The following KIF21A variants were observed in gnomAD, a reference collection of about 807,000 sequenced individuals.
The protein encoded by KIF21A is kinesin family member 21A, also known as kinesin-like protein KIF21A.
KIF21A carries 114 observed loss-of-function variants against 202.9 expected under a neutral mutation model. The ratio of observed to expected loss-of-function variants is 0.56; its 90% CI spans 0.48 to 0.66. The LOEUF (loss-of-function observed/expected upper bound fraction) is 0.66, where lower values mean the gene tolerates loss of function less well. Among genes scored for constraint, KIF21A ranks in the 30% least tolerant of loss-of-function variants. KIF21A has a pLI of 0.00. For missense variants in KIF21A, 1,677 were observed against 1,994.9 expected, an observed-to-expected ratio of 0.84 and a Z score of 3.04; for synonymous variants, 667 against 670.8, an observed-to-expected ratio of 0.99 and a Z score of 0.09.
chr12:39,378,887 ATATTTGACC>A (rs1425988094), intron 1 of KIF21A, among the ~76,000 whole-genome samples: 1 of 152,176 alleles, frequency 6.6e-6, no homozygotes, highest in Non-Finnish European at 1.5e-5. Flanking sequence ...ACAGGAAACT[ATATTTGACC>A]TGGGTTTTGG....
At chr12:39,335,630 A>C (rs1946899852) in intron 17 of KIF21A, among the ~76,000 whole-genome samples, 1 of 152,166 alleles carries the variant, frequency 6.6e-6, no homozygotes, top group Admixed American at 6.5e-5. Flanking sequence ...GAATATACTA[A>C]AAACATGAAT....
intron 1 of KIF21A, among the ~76,000 whole-genome samples, chr12:39,421,569 T>G (rs1369819925): frequency 6.6e-6 from 1 of 151,784 alleles, no homozygotes; most frequent in East Asian, 1.9e-4. Flanking sequence ...AGTGCATGCC[T>G]GTAGTCCCAG....
At chr12:39,366,563 T>G (rs2139099034) in intron 5 of KIF21A, 46 bp from the exon 6 acceptor site, 2 of 1,377,798 alleles carry the variant, frequency 1.5e-6, no homozygotes, top group East Asian at 5.0e-5. Flanking sequence ...AATGTAACAT[T>G]AAATATCCTC....
rs1239185343 is a variant in KIF21A, at chr12:39,322,993, T to C, written c.3457-111A>G. On this transcript the variant is annotated intron_variant, in intron 26 of 37. Transcript: ENST00000361418. ...AATAGGTAAAACATTTAGCGTGTCT[T>C]TTCCTAGGTGTGCCAAACATAGCAT... The C allele has an allele frequency of 1.3e-5, 11 of 814,862 alleles. No individual in the cohort carries two copies. The East Asian group carries it at 2.9e-4, about 21-fold the overall frequency. The allele number at this position is 814,862 out of a possible 1,614,324, so 50.5% of individuals were successfully genotyped here. A position where few individuals can be genotyped will look rare whatever the true frequency, so the allele number is the denominator to read the frequency against.
intron 10 of KIF21A, among the ~76,000 whole-genome samples, chr12:39,355,217 C>G (rs921104182): frequency 1.3e-5 from 2 of 152,118 alleles, no homozygotes; most frequent in African/African-American, 4.8e-5. Flanking sequence ...AAGGAATAGT[C>G]TTAACTCAAG....
Position 39,304,802 on chromosome 12 carries a change from G to A in KIF21A, c.4560+19C>T. On this transcript the variant is annotated intron_variant, in intron 35 of 37. Transcript: ENST00000361418. Reference sequence around the variant, plus strand: ...TCATTTAATAGACAAATATAATTCAGAAAGTCTCTTATACATACTTTGATG... The same window carrying A: ...TCATTTAATAGACAAATATAATTCAAAAAGTCTCTTATACATACTTTGATG... The A allele has an allele frequency of 8.4e-7, 1 of 1,183,960 alleles. No homozygotes were observed. The highest frequency in any genetic ancestry group is 1.2e-5 in the South Asian group (1 of 82,132). 73.3% of individuals were successfully genotyped at this position (1,183,960 alleles called of 1,614,324 possible).
rs1015234068 is a variant in KIF21A, at chr12:39,293,249, A to G, written c.*1175T>C. The G allele has an allele frequency of 6.6e-6, 1 of 152,250 alleles. No individual in the cohort carries two copies. The highest frequency in any genetic ancestry group is 1.5e-5 in the Non-Finnish European group (1 of 68,030). The allele number at this position is 152,250 out of a possible 1,614,324, so 9.4% of individuals were successfully genotyped here. A position where few individuals can be genotyped will look rare whatever the true frequency, so the allele number is the denominator to read the frequency against. ...AAAATAATTTCATAGCAACATGTTT[A>G]TTTAAGCCCTAGCTAAGTTTTCATT... On this transcript the variant is annotated 3_prime_UTR_variant, in exon 38 of 38. Coordinates refer to ENST00000361418, the MANE Select transcript of KIF21A (RefSeq NM_001173464.2).
At chr12:39,381,931 T>C (rs913198399) in intron 1 of KIF21A, among the ~76,000 whole-genome samples, 1 of 152,176 alleles carries the variant, frequency 6.6e-6, no homozygotes, top group Admixed American at 6.5e-5. Context: ...AACAGTTATG[T>C]TGTGAACTAC....
chr12:39,416,889 A>G (rs550192355), intron 1 of KIF21A, among the ~76,000 whole-genome samples: 262 of 147,570 alleles, frequency 1.8e-3, no homozygotes, highest in African/African-American at 5.7e-3. Context: ...ACATATATAT[A>G]TGTGTATATA....
intron 30 of KIF21A, among the ~76,000 whole-genome samples, 181 bp from the exon 31 acceptor site, chr12:39,315,421 TTAAGAA>T (rs1944425520): frequency 6.6e-6 from 1 of 152,050 alleles, no homozygotes; most frequent in Admixed American, 6.6e-5. Context: ...GCACCTATTC[TTAAGAA>T]TATTTATTTT....
intron 1 of KIF21A, among the ~76,000 whole-genome samples, chr12:39,403,722 T>C: frequency 6.6e-6 from 1 of 152,216 alleles, no homozygotes; most frequent in East Asian, 1.9e-4. Context: ...AACATGTTAT[T>C]ATAATCTAAA....
chr12:39,386,078 G>T (rs1002307911), intron 1 of KIF21A, among the ~76,000 whole-genome samples: 1 of 152,064 alleles, frequency 6.6e-6, no homozygotes, highest in Non-Finnish European at 1.5e-5. Context: ...GGCATAAATT[G>T]CTAATGGTAC....
intron 10 of KIF21A, 28 bp downstream of exon 10, chr12:39,356,804 A>G (rs1413204319): frequency 3.1e-6 from 3 of 965,118 alleles, no homozygotes; most frequent in Admixed American, 3.5e-5. Flanking sequence ...AAACATGTGC[A>G]TTATATGTTA....
chr12:39,379,187 G>A (rs903638876), intron 1 of KIF21A, among the ~76,000 whole-genome samples: 8 of 151,892 alleles, frequency 5.3e-5, no homozygotes, highest in South Asian at 2.1e-4. Flanking sequence ...AAAATTAGCC[G>A]GGCATAGTGG....
At position 39,304,814 on chromosome 12, in the gene KIF21A, T is replaced by C. The variant is rs368581056; in HGVS notation, c.4560+7A>G. The C allele has an allele frequency of 3.7e-5, 50 of 1,340,970 alleles. No individual in the cohort carries two copies. The highest frequency in any genetic ancestry group is 5.0e-5 in the Non-Finnish European group (47 of 931,556). 83.1% of individuals were successfully genotyped at this position (1,340,970 alleles called of 1,614,324 possible). A position where few individuals can be genotyped will look rare whatever the true frequency, so the allele number is the denominator to read the frequency against. On this transcript the variant is annotated splice_region_variant and intron_variant, in intron 35 of 37. Transcript: ENST00000361418. ...CAAATATAATTCAGAAAGTCTCTTA[T>C]ACATACTTTGATGTAATGATCCTTG...
At chr12:39,357,468 T>A (rs776474842) in intron 8 of KIF21A, 31 bp from the exon 9 acceptor site, 56 of 1,572,104 alleles carry the variant, frequency 3.6e-5, no homozygotes, top group Non-Finnish European at 4.9e-5. Flanking sequence ...CCTTGTTGGT[T>A]GAGGAGCCTT....
At chr12:39,296,852 G>A (rs539119956) in intron 37 of KIF21A, among the ~76,000 whole-genome samples, 2 of 152,340 alleles carry the variant, frequency 1.3e-5, no homozygotes, top group South Asian at 2.1e-4. Flanking sequence ...ACATGAAATG[G>A]AGGACCACTG....
intron 1 of KIF21A, among the ~76,000 whole-genome samples, chr12:39,428,686 AC>A (rs1244869873): frequency 1.3e-5 from 2 of 152,066 alleles, no homozygotes; most frequent in East Asian, 3.9e-4. Context: ...ACTTCAAATT[AC>A]CGTGGCTCAC....
chr12:39,355,514 A>G (rs531759379), intron 10 of KIF21A, among the ~76,000 whole-genome samples: 1 of 151,964 alleles, frequency 6.6e-6, no homozygotes, highest in South Asian at 2.1e-4. Flanking sequence ...CAGAGCTATC[A>G]GTTGTGTCTC....
Sources: gnomAD v4.1 joint callset for allele counts (sites outside exome capture counted in the v4.1 genomes callset) on GRCh38, gnomAD v4.1.1 for gene constraint, MANE v1.5 for transcripts, NCBI Gene and HGNC (gene_info 2026-07-23, HGNC 2026-07-21) for gene names.